The following LIPE variants were observed in gnomAD, a reference collection of about 807,000 sequenced individuals.
LIPE encodes hormone-sensitive lipase.
In LIPE, 66 loss-of-function variants were observed where a neutral mutation model predicts 88.5. The ratio of observed to expected loss-of-function variants is 0.75; its 90% CI spans 0.61 to 0.91. LIPE has a LOEUF of 0.91. LIPE is among the 40% of genes least tolerant of loss of function. The pLI, the probability that LIPE is intolerant of heterozygous loss-of-function variation, is 0.00. For synonymous variants in LIPE, 570 were observed against 617.5 expected (o/e 0.92, Z 1.14); for missense variants, 1,346 against 1,434.7 (o/e 0.94, Z 1.00).
chr19:42,426,822 C>CCT lies in LIPE; in HGVS notation c.326_327dup (p.Glu110ArgfsTer11). On this transcript the variant is annotated frameshift_variant, in exon 1 of 10. Coordinates refer to ENST00000244289, the MANE Select transcript of LIPE (RefSeq NM_005357.4). LOFTEE classifies it high-confidence loss of function. ...CCAGGTCCCTGCTGGGAGGCAGCTT[C>CCT]CTGTTGAGTGAGCAGCACCCTTTGG... 14 of 1,614,120 alleles carry CCT rather than the reference C, an allele frequency of 8.7e-6. No individual in the cohort carries two copies. The highest frequency in any genetic ancestry group is 1.2e-5 in the Non-Finnish European group (14 of 1,180,026).
intron 1 of LIPE, chr19:42,423,762 G>A (rs1450800493): frequency 1.8e-6 from 2 of 1,113,064 alleles, no homozygotes; most frequent in African/African-American, 3.4e-5. Context: ...CGCATTAAAG[G>A]GCTCGCGGCC....
At position 42,406,027 on chromosome 19, in the gene LIPE, A is replaced by T; in HGVS notation, c.2365+134T>A. 1.5e-6 allele frequency: 1 copy of T among 675,838 alleles called. No individual in the cohort carries two copies. Among genetic ancestry groups the T allele is most frequent in the Non-Finnish European group, 2.5e-6 (1 of 400,138 alleles). The allele number at this position is 675,838 out of a possible 1,614,324, so 41.9% of individuals were successfully genotyped here. A position where few individuals can be genotyped will look rare whatever the true frequency, so the allele number is the denominator to read the frequency against. On this transcript the variant is annotated intron_variant, in intron 7 of 9. Coordinates refer to ENST00000244289, the MANE Select transcript of LIPE (RefSeq NM_005357.4). The surrounding 1 kb of genome is among the most constrained non-coding windows in gnomAD (Gnocchi z 5.7). ...ACACACACACACACACACGAAAAAAAAGGGACAAGGAGTCTTAGATTCCTC... is the reference window on the plus strand; with the variant it reads ...ACACACACACACACACACGAAAAAATAGGGACAAGGAGTCTTAGATTCCTC...
Position 42,406,054 on chromosome 19 carries a change from G to T in LIPE, c.2365+107C>A. 2.2e-6 allele frequency: 2 copies of T among 893,512 alleles called. No individual in the cohort carries two copies. Among genetic ancestry groups the T allele is most frequent in the Non-Finnish European group, 3.4e-6 (2 of 581,886 alleles). The allele number at this position is 893,512 out of a possible 1,614,324, so 55.3% of individuals were successfully genotyped here. On this transcript the variant is annotated intron_variant, in intron 7 of 9. Coordinates refer to ENST00000244289, the MANE Select transcript of LIPE (RefSeq NM_005357.4). This position sits in a 1 kb window ranked among gnomAD's most constrained non-coding sequence, Gnocchi z 5.7. ...GGGACAAGGAGTCTTAGATTCCTCT[G>T]CCTGGCCTCTCCTTCCTCAGTCACA...
At position 42,426,320 on chromosome 19, in the gene LIPE, G is replaced by A. The variant is rs70937096; in HGVS notation, c.830C>T (p.Thr277Met). The A allele has an allele frequency of 9.9e-6, 16 of 1,609,144 alleles. No homozygotes were observed. The African/African-American group carries it at 1.3e-4, about 13-fold the overall frequency. Reference protein sequence around the residue: ...GYKVMSGYSGTSPHEKTSARN... With the variant: ...GYKVMSGYSGMSPHEKTSARN... ...AGCACTGGTTTTCTCATGTGGCGAC[G>A]TCCCACTGTATCCTGACATCACTTT... The change falls in exon 1 of 10, where the codon ACG becomes ATG. Residue 277 changes from threonine to methionine, a missense_variant. Coordinates refer to ENST00000244289, the MANE Select transcript of LIPE (RefSeq NM_005357.4).
At position 42,410,606 on chromosome 19, in the gene LIPE, G is replaced by A. The variant is rs1568604638; in HGVS notation, c.1120C>T (p.Arg374Cys). The A allele has an allele frequency of 4.3e-6, 7 of 1,613,280 alleles. No homozygotes were observed. The highest frequency in any genetic ancestry group is 2.7e-5 in the African/African-American group (2 of 74,920). Residue 374 changes from arginine to cysteine, a missense_variant, in exon 2 of 10, where the codon CGC (arginine) becomes TGC (cysteine). Physicochemically the swap from Arg to Cys is radical, Grantham distance 180 (BLOSUM62 -3). Coordinates refer to ENST00000244289, the MANE Select transcript of LIPE (RefSeq NM_005357.4). This position sits in a 1 kb window ranked among gnomAD's most constrained non-coding sequence, Gnocchi z 6.1. Reference protein sequence around the residue: ...LDPETPANGYRSLVHTARCCL... With the variant: ...LDPETPANGYCSLVHTARCCL... Reference sequence around the variant, plus strand: ...CAGCGGGCTGTGTGCACTAGGCTGCGGTACCCGTTGGCCGGTGTCTCTGGG... The same window carrying A: ...CAGCGGGCTGTGTGCACTAGGCTGCAGTACCCGTTGGCCGGTGTCTCTGGG...
rs750704581 is a variant in LIPE, at chr19:42,407,433, G to A, written c.1878C>T (p.Asn626=). ...GCCACAGCTCCAGGCTCCGTTGGCC[G>A]TTGGACTTTATCAGGCTGCTGAGCT... The part of the protein sequence containing the change: ...SEELSSLIKS[N]GQRSLELWPR... The change falls in exon 6 of 10, where the codon AAC becomes AAT. Residue 626 remains asparagine (N), a synonymous_variant. Coordinates refer to ENST00000244289, the MANE Select transcript of LIPE (RefSeq NM_005357.4). This position sits in a 1 kb window ranked among gnomAD's most constrained non-coding sequence, Gnocchi z 5.8. The A allele has an allele frequency of 3.7e-6, 6 of 1,613,408 alleles. No homozygotes were observed. The Admixed American group carries it at 6.7e-5, about 18-fold the overall frequency.
rs762000053 is a variant in LIPE at position 42,401,821 on chromosome 19, C to G, written c.3222G>C (p.Gly1074=). The part of the protein sequence containing the change: ...GAAGVDGGCG[G]RH ...TGGGAACAACAGGCTTTTAGTGTCG[C>G]CCCCCGCAGCCCCCGTCTACCCCCG... is the stretch of plus-strand genomic sequence containing the variant. The change falls in exon 10 of 10, where the codon GGG becomes GGC. Residue 1074 remains glycine, a synonymous_variant. Transcript: ENST00000244289. 9.5e-6 allele frequency: 14 copies of G among 1,480,156 alleles called. No homozygotes were observed. In the Admixed American group the frequency reaches 3.4e-4, roughly 35 times the overall value. The allele number at this position is 1,480,156 out of a possible 1,614,324, so 91.7% of individuals were successfully genotyped here.
Position 42,402,674 on chromosome 19 carries a change from T to A in LIPE, c.2900A>T (p.Asn967Ile). Residue 967 changes from asparagine (N) to isoleucine (I), a missense_variant, in exon 9 of 10, where the codon AAC becomes ATC. Physicochemically the swap from Asn to Ile is moderately radical, Grantham distance 149. Transcript: ENST00000244289. Reference protein sequence around the residue: ...MPLYSSPIVKNPFMSPLLAPD... With the variant: ...MPLYSSPIVKIPFMSPLLAPD... Reference sequence around the variant, plus strand: ...TGCCAGCAGCGGCGACATGAAGGGGTTCTTGACTATGGGTGAGGAGTAGAG... The same window carrying A: ...TGCCAGCAGCGGCGACATGAAGGGGATCTTGACTATGGGTGAGGAGTAGAG... The A allele has an allele frequency of 6.7e-7, 1 of 1,501,490 alleles. No homozygotes were observed. Among genetic ancestry groups the A allele is most frequent in the East Asian group, 2.3e-5 (1 of 42,988 alleles). 93.0% of individuals were successfully genotyped at this position (1,501,490 alleles called of 1,614,324 possible). A position where few individuals can be genotyped will look rare whatever the true frequency, so the allele number is the denominator to read the frequency against.
At chr19:42,422,599 C>T (rs1313186700) in intron 1 of LIPE, among the ~76,000 whole-genome samples, 1 of 152,150 alleles carries the variant, frequency 6.6e-6, no homozygotes, top group Non-Finnish European at 1.5e-5. Flanking sequence ...TTCCTTCCTG[C>T]ATGGGAACCT....
rs780491953 is a variant in LIPE, at chr19:42,408,027, G to A, written c.1605C>T (p.Asp535=). 2.3e-5 allele frequency: 37 copies of A among 1,613,684 alleles called. No individual in the cohort carries two copies. Among genetic ancestry groups the A allele is most frequent in the Admixed American group, 5.0e-5 (3 of 59,994 alleles). ...TCCAGAAGGCTTTCCAGAAGTGCACGTCCAGGTTCTGTGTGATCCGCTCAA... is the reference window on the plus strand; with the variant it reads ...TCCAGAAGGCTTTCCAGAAGTGCACATCCAGGTTCTGTGTGATCCGCTCAA... ...AEFERITQNL[D]VHFWKAFWNI... Residue 535 remains aspartate, a synonymous_variant, in exon 4 of 10, where the codon GAC becomes GAT. Transcript: ENST00000244289. This position sits in a 1 kb window ranked among gnomAD's most constrained non-coding sequence, Gnocchi z 4.3.
chr19:42,402,736 G>A lies in LIPE; in HGVS notation c.2838C>T (p.His946=), dbSNP rs1234619649. The change falls in exon 9 of 10, where the codon CAC becomes CAT. Residue 946 remains histidine, a synonymous_variant. Coordinates refer to ENST00000244289, the MANE Select transcript of LIPE (RefSeq NM_005357.4). ...GVRAAFPEGF[H]PRRSSQGATQ... is the part of the protein sequence containing the mutation. ...TGGCACCCTGGCTGGAGCGTCGGGG[G>A]TGGAAACCCTCGGGGAAGGCGGCAC... 5 of 1,567,060 alleles carry A rather than the reference G, an allele frequency of 3.2e-6. No homozygotes were observed. The highest frequency in any genetic ancestry group is 2.7e-5 in the African/African-American group (2 of 73,880).
At chr19:42,421,950 C>T (rs1017065049) in intron 1 of LIPE, among the ~76,000 whole-genome samples, 6 of 152,216 alleles carry the variant, frequency 3.9e-5, no homozygotes, top group African/African-American at 1.4e-4. Context: ...TTGCAGGGAG[C>T]CCTGCCCAAC....
At position 42,401,986 on chromosome 19, in the gene LIPE, C is replaced by T; in HGVS notation, c.3057G>A (p.Val1019=). The part of the protein sequence containing the change: ...NLGQPVTLRV[V]EDLPHGFLTL... ...TCAGGAAGCCGTGCGGCAGGTCCTC[C>T]ACCACGCGCAGCGTCACCGGCTGGC... is the stretch of plus-strand genomic sequence containing the variant. Residue 1019 remains valine, a synonymous_variant, in exon 10 of 10, where the codon GTG becomes GTA. Coordinates refer to ENST00000244289, the MANE Select transcript of LIPE (RefSeq NM_005357.4). 1 of 1,555,290 alleles carries T rather than the reference C, an allele frequency of 6.4e-7. No individual in the cohort carries two copies. The highest frequency in any genetic ancestry group is 8.7e-7 in the Non-Finnish European group (1 of 1,152,454).
chr19:42,423,504 C>T, intron 1 of LIPE: 1 of 1,276,708 alleles, frequency 7.8e-7, no homozygotes, highest in Non-Finnish European at 1.0e-6. Context: ...CCATAGCGGC[C>T]TCGGCGGGCT....
At position 42,410,784 on chromosome 19, in the gene LIPE, C is replaced by A; in HGVS notation, c.942G>T (p.Leu314=). The change falls in exon 2 of 10, where the codon CTG becomes CTT. Residue 314 remains leucine, a synonymous_variant. Transcript: ENST00000244289. This position sits in a 1 kb window ranked among gnomAD's most constrained non-coding sequence, Gnocchi z 6.1. Reference sequence around the variant, plus strand: ...AGAAGAAGGCTATGTTGTCCTCCGCCAGAGTCACCAGCGACTGTGTCATTG... The same window carrying A: ...AGAAGAAGGCTATGTTGTCCTCCGCAAGAGTCACCAGCGACTGTGTCATTG... ...LRTMTQSLVT[L]AEDNIAFFSS... The A allele has an allele frequency of 6.2e-7, 1 of 1,601,998 alleles. No homozygotes were observed. Among genetic ancestry groups the A allele is most frequent in the Non-Finnish European group, 8.5e-7 (1 of 1,173,036 alleles).
At position 42,401,928 on chromosome 19, in the gene LIPE, C is replaced by T. The variant is rs1029271436; in HGVS notation, c.3115G>A (p.Ala1039Thr). Residue 1039 changes from alanine (A) to threonine (T), a missense_variant, in exon 10 of 10, where the codon GCC (alanine) becomes ACC (threonine). By Grantham distance (58) the Ala-to-Thr change is moderately conservative. Transcript: ENST00000244289. ...ATGCGCTCCACGCACAGCTCTGCGG[C>T]CTGGCGCGTCTCGCGGCACAGCGCC... ...LAALCRETRQ[A>T]AELCVERIRL... The T allele has an allele frequency of 2.1e-5, 33 of 1,555,240 alleles. No individual in the cohort carries two copies. Among genetic ancestry groups the T allele is most frequent in the Non-Finnish European group, 2.9e-5 (33 of 1,155,172 alleles).
chr19:42,411,006 TAA>T (rs1194846665), intron 1 of LIPE, among the ~76,000 whole-genome samples, 164 bp from the exon 2 acceptor site: 3 of 152,134 alleles, frequency 2.0e-5, no homozygotes, highest in Non-Finnish European at 4.4e-5. Flanking sequence ...CCCTTAGACA[TAA>T]GAGGTCACCC....
chr19:42,402,031 C>A lies in LIPE; in HGVS notation c.3012G>T (p.Ala1004=), dbSNP rs1177138198. ...GCTGGCCCAGGTTGCGCAGTCGCCGCGCGAGCATGACCGAGTCGTCCAGCA... is the reference window on the plus strand; with the variant it reads ...GCTGGCCCAGGTTGCGCAGTCGCCGAGCGAGCATGACCGAGTCGTCCAGCA... ...DPMLDDSVML[A]RRLRNLGQPV... is the part of the protein sequence containing the mutation. Residue 1004 remains alanine (A), a synonymous_variant, in exon 10 of 10, where the codon GCG becomes GCT. Coordinates refer to ENST00000244289, the MANE Select transcript of LIPE (RefSeq NM_005357.4). 2 of 1,535,320 alleles carry A rather than the reference C, an allele frequency of 1.3e-6. No individual in the cohort carries two copies. Among genetic ancestry groups the A allele is most frequent in the East Asian group, 5.0e-5 (2 of 39,962 alleles).
intron 1 of LIPE, among the ~76,000 whole-genome samples, chr19:42,422,536 C>T (rs948185504): frequency 1.3e-5 from 2 of 152,124 alleles, no homozygotes; most frequent in East Asian, 3.9e-4. Flanking sequence ...ATGTGTTCTA[C>T]GGCAGGGGAA....
Sources: allele counts gnomAD v4.1 joint callset (sites outside exome capture counted in the v4.1 genomes callset), GRCh38; gene constraint gnomAD v4.1.1; non-coding constraint Gnocchi (gnomAD v3.1); transcripts MANE v1.5; gene names NCBI Gene and HGNC (gene_info 2026-07-23, HGNC 2026-07-21).